Variants in EPHA4 observed in about 807,000 individuals in gnomAD.
The protein encoded by EPHA4 is ephrin type-A receptor 4.
Under a neutral mutation model 108.3 loss-of-function variants are expected in EPHA4, and 19 were observed. The observed-to-expected ratio is 0.18, with a 90% CI of 0.12 to 0.26. EPHA4 has a LOEUF of 0.26. Ranked by LOEUF, EPHA4 falls within the 10% of genes least tolerant of loss-of-function variation. The pLI is 1.00. For synonymous variants in EPHA4, 449 were observed against 455.5 expected (o/e 0.99, Z 0.18); for missense variants, 917 against 1,254.0 (o/e 0.73, Z 4.06).
At chr2:221,485,062 C>A (rs1691939791) in intron 4 of EPHA4, among the ~76,000 whole-genome samples, 1 of 152,118 alleles carries the variant, frequency 6.6e-6, no homozygotes, top group Admixed American at 6.6e-5. Flanking sequence ...GCTGTGACTT[C>A]CAGGGTTAAA....
At chr2:221,570,990 G>T (rs1016944894) in intron 1 of EPHA4, among the ~76,000 whole-genome samples, 1 of 152,170 alleles carries the variant, frequency 6.6e-6, no homozygotes, top group African/African-American at 2.4e-5. Context: ...CTAGATGCAC[G>T]CAGGCCAGAG....
At chr2:221,541,153 T>C (rs753753848) in intron 3 of EPHA4, among the ~76,000 whole-genome samples, 2 of 152,056 alleles carry the variant, frequency 1.3e-5, no homozygotes, top group Non-Finnish European at 2.9e-5. Context: ...TCTTGCTATG[T>C]TGCTTAGGGT....
chr2:221,570,326 C>CCA (rs1553596746), intron 1 of EPHA4, among the ~76,000 whole-genome samples: 449 of 103,196 alleles, frequency 4.4e-3, no homozygotes, highest in Non-Finnish European at 6.5e-3. Flanking sequence ...CCCCCCCCCC[C>CCA]AAAAAAAGAG....
intron 5 of EPHA4, among the ~76,000 whole-genome samples, chr2:221,464,279 A>C (rs1252225568): frequency 6.6e-6 from 1 of 152,204 alleles, no homozygotes; most frequent in Non-Finnish European, 1.5e-5. Context: ...ATTTAAATTT[A>C]ATTACTTGGA....
rs538233784 is a variant in EPHA4 at position 221,437,757 on chromosome 2, C to CAAAA, written c.2075-639_2075-636dup. ...TGAAACCCCGTTTCTACTAAAAATA[C>CAAAA]AAAAAAAAAAAAAAAATTTGCCAAG... On this transcript the variant is annotated intron_variant, in intron 11 of 17. Coordinates refer to ENST00000281821, the MANE Select transcript of EPHA4 (RefSeq NM_004438.5). Among the ~76,000 whole-genome samples the CAAAA allele has an allele frequency of 4.1e-3, 517 of 125,876 alleles. 3 individuals carry two copies. The highest frequency in any genetic ancestry group is 6.7e-3 in the African/African-American group (229 of 34,044). 82.6% of individuals were successfully genotyped at this position (125,876 alleles called of 152,430 possible). A position where few individuals can be genotyped will look rare whatever the true frequency, so the allele number is the denominator to read the frequency against.
At position 221,501,169 on chromosome 2, in the gene EPHA4, C is replaced by T. The variant is rs1234704615; in HGVS notation, c.827G>A (p.Cys276Tyr). The T allele has an allele frequency of 6.3e-7, 1 of 1,593,402 alleles. No homozygotes were observed. Among genetic ancestry groups the T allele is most frequent in the Non-Finnish European group, 8.5e-7 (1 of 1,170,980 alleles). ...GAGAGCCTTGTAATATCCAATTTTG[C>T]AAGCTGCAGGGAAGAAGAAAAAAAC... ...HEERSGECQA[C>Y]KIGYYKALST... Residue 276 changes from cysteine to tyrosine, a missense_variant, in exon 4 of 18, where the codon TGC becomes TAC. By Grantham distance (194) the Cys-to-Tyr change is radical. This residue lies in a region of EPHA4 where 758 missense variants were observed against 1,076.7 expected (regional missense o/e 0.70). Transcript: ENST00000281821.
intron 3 of EPHA4, chr2:221,532,748 G>A (rs1043731950): frequency 2.6e-5 from 4 of 152,358 alleles, no homozygotes; most frequent in African/African-American, 9.7e-5. Flanking sequence ...GCCTCCTAAG[G>A]GGTGCACACC....
chr2:221,454,245 A>G (rs1690873019), intron 8 of EPHA4, among the ~76,000 whole-genome samples: 1 of 152,002 alleles, frequency 6.6e-6, no homozygotes, highest in Non-Finnish European at 1.5e-5. Context: ...AAACTAGATT[A>G]TATGGTCACC....
At chr2:221,455,001 T>C (rs1471977887) in intron 8 of EPHA4, among the ~76,000 whole-genome samples, 2 of 152,210 alleles carry the variant, frequency 1.3e-5, no homozygotes, top group Non-Finnish European at 2.9e-5. Context: ...TTCTTTGCTT[T>C]AGTGACCATT....
At chr2:221,483,827 T>G (rs931458570) in intron 4 of EPHA4, among the ~76,000 whole-genome samples, 2 of 151,862 alleles carry the variant, frequency 1.3e-5, no homozygotes. Context: ...GGCAAAAAAA[T>G]TGTGACACAA....
intron 8 of EPHA4, among the ~76,000 whole-genome samples, chr2:221,452,530 T>C (rs1003231822): frequency 6.6e-6 from 1 of 152,214 alleles, no homozygotes; most frequent in Non-Finnish European, 1.5e-5. Flanking sequence ...ATTGGCTGAG[T>C]GTGCATGAGC....
Position 221,564,009 on chromosome 2 carries a change from T to C in EPHA4, c.545A>G (p.Tyr182Cys). The C allele has an allele frequency of 1.2e-6, 2 of 1,613,960 alleles. No homozygotes were observed. Among genetic ancestry groups the C allele is most frequent in the Non-Finnish European group, 1.7e-6 (2 of 1,179,996 alleles). ...DVGPLSKKGF[Y>C]LAFQDVGACI... The stretch of plus-strand genomic sequence containing the variant: ...GGCCCCCACATCCTGAAAAGCCAGG[T>C]AAAACCCCTTTTTGCTTAATGGCCC... The change falls in exon 3 of 18, where the codon TAC becomes TGC. Residue 182 changes from tyrosine to cysteine, a missense_variant. By Grantham distance (194) the Tyr-to-Cys change is radical (BLOSUM62 -2). Around this residue, in one of 3 missense-constraint regions of EPHA4, gnomAD observed 758 missense variants for 1,076.7 expected, o/e 0.70. Coordinates refer to ENST00000281821, the MANE Select transcript of EPHA4 (RefSeq NM_004438.5).
At chr2:221,566,272 T>C (rs1694624979) in intron 2 of EPHA4, among the ~76,000 whole-genome samples, 1 of 151,994 alleles carries the variant, frequency 6.6e-6, no homozygotes, top group South Asian at 2.1e-4. Context: ...ATAAATGTCA[T>C]TATCAGACCA....
chr2:221,495,264 A>G (rs924279552), intron 4 of EPHA4, among the ~76,000 whole-genome samples: 2 of 152,212 alleles, frequency 1.3e-5, no homozygotes, highest in African/African-American at 4.8e-5. Context: ...AATCCATGAA[A>G]TACCTTTCTA....
At position 221,443,583 on chromosome 2, in the gene EPHA4, A is replaced by G; in HGVS notation, c.1798T>C (p.Phe600Leu). The change falls in exon 10 of 18, where the codon TTT becomes CTT. Residue 600 changes from phenylalanine to leucine, a missense_variant. Transcript: ENST00000281821. Reference protein sequence around the residue: ...NQGVRTYVDPFTYEDPNQAVR... With the variant: ...NQGVRTYVDPLTYEDPNQAVR... ...GCTTGGTTGGGATCTTCGTACGTAA[A>G]GGGGTCCACATATGTTCTTACACCT... 6.2e-7 allele frequency: 1 copy of G among 1,613,994 alleles called. No individual in the cohort carries two copies. The highest frequency in any genetic ancestry group is 8.5e-7 in the Non-Finnish European group (1 of 1,179,944).
rs1694847984 is a variant in EPHA4 at position 221,571,866 on chromosome 2, C to G, written c.91+292G>C. Reference sequence around the variant, plus strand: ...ATCCCGGCGTTGTCTCCCGTGCATCCCCTCAGGGCGCCTCGAGCGGGCCTC... The same window carrying G: ...ATCCCGGCGTTGTCTCCCGTGCATCGCCTCAGGGCGCCTCGAGCGGGCCTC... On this transcript the variant is annotated intron_variant, in intron 1 of 17. Transcript: ENST00000281821. The surrounding 1 kb of genome is among the most constrained non-coding windows in gnomAD (Gnocchi z 6.3). Among the ~76,000 whole-genome samples the G allele has an allele frequency of 6.6e-6, 1 of 152,206 alleles. No homozygotes were observed. The highest frequency in any genetic ancestry group is 6.5e-5 in the Admixed American group (1 of 15,284).
chr2:221,474,937 T>C (rs2015014), intron 5 of EPHA4, among the ~76,000 whole-genome samples: 114,576 of 151,994 alleles, frequency 0.75, 43,295 homozygotes, highest in East Asian at 0.87. Context: ...GGCAAGATCT[T>C]GGCTCACTGC....
At chr2:221,478,754 G>C (rs1691732353) in intron 5 of EPHA4, among the ~76,000 whole-genome samples, 1 of 126,194 alleles carries the variant, frequency 7.9e-6, no homozygotes, top group African/African-American at 2.9e-5. Flanking sequence ...CTGCCTACCT[G>C]TCTGCCTGCA....
chr2:221,562,398 C>CA (rs1384246244), intron 3 of EPHA4, among the ~76,000 whole-genome samples: 2 of 152,032 alleles, frequency 1.3e-5, no homozygotes, highest in Admixed American at 6.5e-5. Flanking sequence ...ACCAAATCAC[C>CA]AAAAAATGCA....
Sources: allele counts gnomAD v4.1 joint callset (sites outside exome capture counted in the v4.1 genomes callset), GRCh38; gene constraint gnomAD v4.1.1; regional missense constraint gnomAD v4.1.1; non-coding constraint Gnocchi (gnomAD v3.1); transcripts MANE v1.5; gene names NCBI Gene and HGNC (gene_info 2026-07-23, HGNC 2026-07-21).